SFI1: variants seen among roughly 807,000 people sequenced by gnomAD.
The protein encoded by SFI1 is protein SFI1 homolog.
A neutral mutation model predicts 207.5 loss-of-function variants in SFI1; 195 were observed. The observed-to-expected ratio is 0.94, with a 90% CI of 0.84 to 1.06. SFI1 has a LOEUF of 1.06. Ranked by LOEUF, SFI1 falls within the 50% of genes least tolerant of loss-of-function variation. The pLI is 0.00. For missense variants in SFI1, 1,634 were observed against 1,588.0 expected (o/e 1.03, Z -0.49); for synonymous variants, 630 against 598.9 (o/e 1.05, Z -0.76).
chr22:31,578,300 G>C (rs929503100), intron 10 of SFI1, 82 bp from the exon 11 acceptor site: 1 of 1,348,968 alleles, frequency 7.4e-7, no homozygotes, highest in Middle Eastern at 2.0e-4. Flanking sequence ...CGATAGCCAC[G>C]GCCCTTCAAG....
At chr22:31,577,138 A>G (rs62237791) in intron 10 of SFI1, among the ~76,000 whole-genome samples, 8,506 of 152,282 alleles carry the variant, frequency 0.056, 219 homozygotes, top group Non-Finnish European at 0.065. Flanking sequence ...ACATGAAAAT[A>G]TGTCTTTAAA....
chr22:31,523,366 TTA>T (rs1247985645), intron 2 of SFI1, among the ~76,000 whole-genome samples: 1 of 152,182 alleles, frequency 6.6e-6, no homozygotes, highest in Non-Finnish European at 1.5e-5. Context: ...ACTGATGATG[TTA>T]TGTTTTAGAA....
chr22:31,515,600 G>C (rs1350200198), intron 2 of SFI1, among the ~76,000 whole-genome samples: 1 of 151,292 alleles, frequency 6.6e-6, no homozygotes, highest in African/African-American at 2.4e-5. Flanking sequence ...GCCCACGCTG[G>C]TCTTGAACTC....
At position 31,614,839 on chromosome 22, in the gene SFI1, T is replaced by C. The variant is rs775669008; in HGVS notation, c.3047T>C (p.Leu1016Ser). The change falls in exon 28 of 33, where the codon TTG (leucine) becomes TCG (serine). Residue 1016 changes from leucine (L) to serine (S), a missense_variant. Coordinates refer to ENST00000400288, the MANE Select transcript of SFI1 (RefSeq NM_001007467.3). Reference sequence around the variant, plus strand: ...CAGCCGCGACGCCCACACTTCCTGTTGGAGCCTGCGCAGAGCCAGAGGTCC... The same window carrying C: ...CAGCCGCGACGCCCACACTTCCTGTCGGAGCCTGCGCAGAGCCAGAGGTCC... The part of the protein sequence containing the change: ...RKQPRRPHFL[L>S]EPAQSQRPQK... 2.5e-6 allele frequency: 4 copies of C among 1,613,826 alleles called. No individual in the cohort carries two copies.
intron 15 of SFI1, 67 bp downstream of exon 15, chr22:31,589,644 C>A: frequency 1.3e-6 from 2 of 1,519,456 alleles, no homozygotes; most frequent in Non-Finnish European, 1.8e-6. Flanking sequence ...AACCACACAG[C>A]CCATTTGCTG....
chr22:31,526,956 G>A (rs2057986364), intron 2 of SFI1, among the ~76,000 whole-genome samples: 1 of 152,118 alleles, frequency 6.6e-6, no homozygotes, highest in African/African-American at 2.4e-5. Flanking sequence ...TGGATGGAGT[G>A]CAATGGCATG....
In SFI1 at chr22:31,561,295, G is replaced by A. The variant is rs759575579; in HGVS notation, c.668G>A (p.Trp223Ter). 1 of 1,613,824 alleles carries A rather than the reference G, an allele frequency of 6.2e-7. No individual in the cohort carries two copies. The highest frequency in any genetic ancestry group is 1.3e-5 in the African/African-American group (1 of 74,928). The change falls in exon 8 of 33, where the codon TGG becomes TAG. Residue 223 changes from tryptophan (W) to a stop codon, truncating the protein, a stop_gained. Coordinates refer to ENST00000400288, the MANE Select transcript of SFI1 (RefSeq NM_001007467.3). LOFTEE classifies it high-confidence loss of function. ...EFRQRIILRV[W>*]WSTWRQRLGQ... ...TTTGATTTGCTGTTTCACAGGGTGT[G>A]GTGGAGCACGTGGAGGCAGCGACTA...
chr22:31,604,173 G>A, intron 18 of SFI1, 136 bp from the exon 19 acceptor site: 1 of 680,406 alleles, frequency 1.5e-6, no homozygotes, highest in Admixed American at 2.7e-5. Context: ...GAACCCCTAA[G>A]AAGCACGTAT....
At chr22:31,559,463 C>A in intron 7 of SFI1, 1 of 453,988 alleles carries the variant, frequency 2.2e-6, no homozygotes, top group Non-Finnish European at 4.1e-6. Flanking sequence ...GGCCTACACA[C>A]CGCCAGTTGT....
At chr22:31,557,314 G>T (rs191309061) in intron 7 of SFI1, among the ~76,000 whole-genome samples, 2 of 151,632 alleles carry the variant, frequency 1.3e-5, no homozygotes, top group Non-Finnish European at 2.9e-5. Context: ...AAGTAGCTAG[G>T]ACTACAGGCA....
Position 31,608,044 on chromosome 22 carries a change from C to T in SFI1, c.2254+11C>T, listed in dbSNP as rs770837805. On this transcript the variant is annotated intron_variant, in intron 22 of 32. Coordinates refer to ENST00000400288, the MANE Select transcript of SFI1 (RefSeq NM_001007467.3). ...AGGTGCTGGACAGGGGTAAGTGGGGCCCCAGAAGCAAGTCATGTTGAGGAA... is the reference window on the plus strand; with the variant it reads ...AGGTGCTGGACAGGGGTAAGTGGGGTCCCAGAAGCAAGTCATGTTGAGGAA... The T allele has an allele frequency of 6.2e-7, 1 of 1,610,752 alleles. No homozygotes were observed. The highest frequency in any genetic ancestry group is 2.2e-5 in the East Asian group (1 of 44,844).
Position 31,616,887 on chromosome 22 carries a change from TG to T in SFI1, c.3433+14del. ...GGACTTTCAACTGCAGGTGTGTACC[TG>T]GGGCCTGTCAGGGCAGAAAGCACTC... On this transcript the variant is annotated intron_variant, in intron 30 of 32. Coordinates refer to ENST00000400288, the MANE Select transcript of SFI1 (RefSeq NM_001007467.3). 1 of 1,608,954 alleles carries T rather than the reference TG, an allele frequency of 6.2e-7. No individual in the cohort carries two copies. The highest frequency in any genetic ancestry group is 8.5e-7 in the Non-Finnish European group (1 of 1,177,308).
intron 7 of SFI1, among the ~76,000 whole-genome samples, chr22:31,561,024 C>T (rs1045643580): frequency 3.9e-5 from 6 of 152,142 alleles, no homozygotes; most frequent in Admixed American, 1.3e-4. Flanking sequence ...TTTAACAAAT[C>T]AAACTGTGTA....
Position 31,606,700 on chromosome 22 carries a change from T to C in SFI1, c.2157+270T>C, listed in dbSNP as rs865938316. 1,474 of 226,610 alleles carry C rather than the reference T, an allele frequency of 6.5e-3. 12 individuals carry two copies. The highest frequency in any genetic ancestry group is 0.026 in the African/African-American group (880 of 33,972). The allele number at this position is 226,610 out of a possible 1,614,324, so 14.0% of individuals were successfully genotyped here. A position where few individuals can be genotyped will look rare whatever the true frequency, so the allele number is the denominator to read the frequency against. On this transcript the variant is annotated intron_variant, in intron 21 of 32. Coordinates refer to ENST00000400288, the MANE Select transcript of SFI1 (RefSeq NM_001007467.3). Reference sequence around the variant, plus strand: ...CCAGTATTTTCTTTTTTTCTTTTTTTTTTTTTTTTTTTTTTTGAGACAGTC... The same window carrying C: ...CCAGTATTTTCTTTTTTTCTTTTTTCTTTTTTTTTTTTTTTTGAGACAGTC...
chr22:31,561,505 G>A, intron 8 of SFI1, 113 bp downstream of exon 8: 3 of 838,640 alleles, frequency 3.6e-6, no homozygotes, highest in Non-Finnish European at 5.5e-6. Context: ...AGGGGGTGGG[G>A]ACAGAGGTAA....
chr22:31,560,400 CTTTTTT>C (rs398061887), intron 7 of SFI1, among the ~76,000 whole-genome samples: 1 of 125,538 alleles, frequency 8.0e-6, no homozygotes. Context: ...TGGTAATACT[CTTTTTT>C]TTTTTTTTTT....
chr22:31,613,557 G>A (rs751555973), intron 26 of SFI1, 27 bp downstream of exon 26: 1 of 1,579,274 alleles, frequency 6.3e-7, no homozygotes, highest in East Asian at 2.3e-5. Flanking sequence ...TTCCTGTGGG[G>A]AGCAGGCAGG....
In SFI1 at chr22:31,614,774, CAT is replaced by C. The variant is rs985795338; in HGVS notation, c.2997-14_2997-13del. The C allele has an allele frequency of 6.2e-7, 1 of 1,613,576 alleles. No homozygotes were observed. Among genetic ancestry groups the C allele is most frequent in the African/African-American group, 1.3e-5 (1 of 74,892 alleles). ...CTGGTCAGCCCAGGGGAACAGACCC[CAT>C]GTTTCTTTCCAGCAACACTGCCCAC... On this transcript the variant is annotated splice_polypyrimidine_tract_variant and intron_variant, in intron 27 of 32. Coordinates refer to ENST00000400288, the MANE Select transcript of SFI1 (RefSeq NM_001007467.3).
In SFI1 at chr22:31,615,288, T is replaced by C. The variant is rs778021331; in HGVS notation, c.3300+9T>C. On this transcript the variant is annotated intron_variant, in intron 29 of 32. Transcript: ENST00000400288. ...CGGCTGCACCAGCCAGGGTACGTCC[T>C]CCACCACCAGGCCTGGGCACTGGGG... 2.6e-5 allele frequency: 38 copies of C among 1,478,832 alleles called. 1 individual carries two copies. In the Admixed American group the frequency reaches 8.1e-4, roughly 31 times the overall value. 91.6% of individuals were successfully genotyped at this position (1,478,832 alleles called of 1,614,324 possible).
Sources: allele counts gnomAD v4.1 joint callset (sites outside exome capture counted in the v4.1 genomes callset), GRCh38; gene constraint gnomAD v4.1.1; transcripts MANE v1.5; gene names NCBI Gene and HGNC (gene_info 2026-07-23, HGNC 2026-07-21).